The following TRIM28 variants were observed in gnomAD, a reference collection of about 807,000 sequenced individuals.
The protein encoded by TRIM28 is tripartite motif containing 28.
In TRIM28, 8 loss-of-function variants were observed where a neutral mutation model predicts 87.4. The ratio of observed to expected loss-of-function variants is 0.09; its 90% CI spans 0.05 to 0.17. The LOEUF (loss-of-function observed/expected upper bound fraction) is 0.17, where lower values mean the gene tolerates loss of function less well. Ranked by LOEUF, TRIM28 falls within the 10% of genes least tolerant of loss-of-function variation. TRIM28 has a pLI of 1.00. For synonymous variants in TRIM28, 601 were observed against 454.3 expected, an observed-to-expected ratio of 1.32 and a Z score of -4.11; for missense variants, 968 against 1,131.8, an observed-to-expected ratio of 0.86 and a Z score of 2.08.
At chr19:58,547,771 C>G in intron 5 of TRIM28, 21 bp from the exon 6 acceptor site, 2 of 1,613,972 alleles carry the variant, frequency 1.2e-6, no homozygotes, top group South Asian at 2.2e-5. Context: ...CCTACCTAGC[C>G]TGACCTGCTG....
Position 58,549,345 on chromosome 19 carries a change from G to A in TRIM28, c.1677G>A (p.Glu559=). The A allele has an allele frequency of 6.4e-7, 1 of 1,566,100 alleles. No individual in the cohort carries two copies. The highest frequency in any genetic ancestry group is 1.2e-5 in the South Asian group (1 of 83,972). ...CCACCTTGCAGGAGGAGGAGACGGA[G>A]GCTGCCATTGGAGCCCCTCCTACTG... ...GMAIVKEEET[E]AAIGAPPTAT... Residue 559 remains glutamate (E), a synonymous_variant, in exon 13 of 17, where the codon GAG becomes GAA. Transcript: ENST00000253024. This position sits in a 1 kb window ranked among gnomAD's most constrained non-coding sequence, Gnocchi z 4.4.
In TRIM28 at chr19:58,549,648, A is replaced by G. The variant is rs1461592105; in HGVS notation, c.1980A>G (p.Pro660=). Residue 660 remains proline, a splice_region_variant and synonymous_variant, in exon 13 of 17, where the codon CCA becomes CCG. Coordinates refer to ENST00000253024, the MANE Select transcript of TRIM28 (RefSeq NM_005762.3). This position sits in a 1 kb window ranked among gnomAD's most constrained non-coding sequence, Gnocchi z 4.4. ...ACCTGCCGGCCCTGCAGGATGTACC[A>G]GGGTGAGTGTGAGGCTGGTGGGGGT... ...DCHLPALQDV[P]GEEWSCSLCH... 2 of 1,609,690 alleles carry G rather than the reference A, an allele frequency of 1.2e-6. No homozygotes were observed. Among genetic ancestry groups the G allele is most frequent in the Middle Eastern group, 1.7e-4 (1 of 6,038 alleles).
rs750079195 is a variant in TRIM28 at position 58,548,383 on chromosome 19, C to G, written c.1191C>G (p.Ala397=). 6.2e-7 allele frequency: 1 copy of G among 1,614,168 alleles called. No homozygotes were observed. The highest frequency in any genetic ancestry group is 8.5e-7 in the Non-Finnish European group (1 of 1,180,024). ...GEMKFQWDLN[A]WTKSAEAFGK... is the part of the protein sequence containing the mutation. ...TGAAGTTTCAGTGGGACCTCAATGCCTGGACCAAGAGTGCCGAGGCCTTTG... is the reference window on the plus strand; with the variant it reads ...TGAAGTTTCAGTGGGACCTCAATGCGTGGACCAAGAGTGCCGAGGCCTTTG... Residue 397 remains alanine (A), a synonymous_variant, in exon 8 of 17, where the codon GCC becomes GCG. Coordinates refer to ENST00000253024, the MANE Select transcript of TRIM28 (RefSeq NM_005762.3).
chr19:58,550,404 G>A lies in TRIM28; in HGVS notation c.2359G>A (p.Gly787Ser). ...EDKADVQSII[G>S]LQRFFETRMN... is the part of the protein sequence containing the mutation. The stretch of plus-strand genomic sequence containing the variant: ...CAAGGCAGACGTGCAGTCCATCATC[G>A]GCCTGCAGCGCTTCTTCGAGACGCG... Residue 787 changes from glycine to serine, a missense_variant, in exon 17 of 17, where the codon GGC becomes AGC. Around this residue, in one of 11 missense-constraint regions of TRIM28, gnomAD observed 192 missense variants for 225.6 expected, o/e 0.85. Coordinates refer to ENST00000253024, the MANE Select transcript of TRIM28 (RefSeq NM_005762.3). The A allele has an allele frequency of 1.9e-6, 3 of 1,613,996 alleles. No individual in the cohort carries two copies. Among genetic ancestry groups the A allele is most frequent in the South Asian group, 1.1e-5 (1 of 91,090 alleles).
At chr19:58,548,009 T>TA (rs752412366) in intron 6 of TRIM28, 25 bp from the exon 7 acceptor site, 10 of 1,613,628 alleles carry the variant, frequency 6.2e-6, no homozygotes, top group Non-Finnish European at 8.5e-6. Context: ...CTTCTCTGCT[T>TA]ACCTCATACA....
In TRIM28 at chr19:58,549,797, C is replaced by T; in HGVS notation, c.2043C>T (p.Ser681=). Residue 681 remains serine (S), a synonymous_variant, in exon 14 of 17, where the codon AGC becomes AGT. Transcript: ENST00000253024. This position sits in a 1 kb window ranked among gnomAD's most constrained non-coding sequence, Gnocchi z 4.4. The part of the protein sequence containing the change: ...VLPDLKEEDG[S]LSLDGADSTG... Reference sequence around the variant, plus strand: ...CTGACCTGAAGGAGGAGGATGGCAGCCTCAGCCTGGATGGTGCAGACAGCA... The same window carrying T: ...CTGACCTGAAGGAGGAGGATGGCAGTCTCAGCCTGGATGGTGCAGACAGCA... 1 of 1,612,770 alleles carries T rather than the reference C, an allele frequency of 6.2e-7. No individual in the cohort carries two copies. Among genetic ancestry groups the T allele is most frequent in the Non-Finnish European group, 8.5e-7 (1 of 1,178,952 alleles).
Position 58,550,462 on chromosome 19 carries a change from C to T in TRIM28, c.2417C>T (p.Ser806Phe). The T allele has an allele frequency of 1.2e-6, 2 of 1,612,196 alleles. No individual in the cohort carries two copies. The highest frequency in any genetic ancestry group is 1.7e-6 in the Non-Finnish European group (2 of 1,179,996). Reference protein sequence around the residue: ...MNEAFGDTKFSAVLVEPPPMS... With the variant: ...MNEAFGDTKFFAVLVEPPPMS... ...GAGGCCTTCGGTGACACCAAGTTCT[C>T]TGCTGTGCTGGTGGAGCCCCCGCCG... Residue 806 changes from serine (S) to phenylalanine (F), a missense_variant, in exon 17 of 17, where the codon TCT becomes TTT. Physicochemically the swap from Ser to Phe is radical, Grantham distance 155. Transcript: ENST00000253024.
At chr19:58,546,468 C>T (rs770114099) in intron 3 of TRIM28, among the ~76,000 whole-genome samples, 2 of 152,188 alleles carry the variant, frequency 1.3e-5, no homozygotes, top group Non-Finnish European at 2.9e-5. Context: ...GGCCAGAATC[C>T]TCCCATGAGT....
chr19:58,550,096 G>A lies in TRIM28; in HGVS notation c.2194-51G>A, dbSNP rs769806224. 5 of 1,613,500 alleles carry A rather than the reference G, an allele frequency of 3.1e-6. No individual in the cohort carries two copies. The Admixed American group carries it at 6.7e-5, about 22-fold the overall frequency. On this transcript the variant is annotated intron_variant, in intron 15 of 16. Coordinates refer to ENST00000253024, the MANE Select transcript of TRIM28 (RefSeq NM_005762.3). ...GGCTGCTGGGTCTCGCCCTCAACCTGTGCATGTATATGTGTGTCTTTGTGT... is the reference window on the plus strand; with the variant it reads ...GGCTGCTGGGTCTCGCCCTCAACCTATGCATGTATATGTGTGTCTTTGTGT...
chr19:58,545,251 G>T, intron 1 of TRIM28, 154 bp downstream of exon 1: 1 of 913,520 alleles, frequency 1.1e-6, no homozygotes. Context: ...ACGTGGGTTT[G>T]TGCTGGCCGC....
chr19:58,548,704 G>T (rs374518547), intron 9 of TRIM28, 36 bp from the exon 10 acceptor site: 15 of 1,612,508 alleles, frequency 9.3e-6, no homozygotes, highest in Middle Eastern at 2.0e-4. Context: ...TAGGGTTCCT[G>T]TCCCACTGAG....
rs73580857 is a variant in TRIM28 at position 58,545,635 on chromosome 19, C to T, written c.453+98C>T. ...GCTCCAGGCTGTTACTCCACTTTCC[C>T]AAGGCTCTGGGTGGGCTGCCTAGGT... On this transcript the variant is annotated intron_variant, in intron 2 of 16. Coordinates refer to ENST00000253024, the MANE Select transcript of TRIM28 (RefSeq NM_005762.3). 21,800 of 1,502,032 alleles carry T rather than the reference C, an allele frequency of 0.015. 2,219 individuals are homozygous for T. In the African/African-American group the frequency reaches 0.24, roughly 17 times the overall value. 93.0% of individuals were successfully genotyped at this position (1,502,032 alleles called of 1,614,324 possible).
chr19:58,544,678 G>C lies in TRIM28; in HGVS notation c.-80G>C, dbSNP rs952220775. 3 of 607,812 alleles carry C rather than the reference G, an allele frequency of 4.9e-6. No homozygotes were observed. The highest frequency in any genetic ancestry group is 4.1e-5 in the African/African-American group (2 of 49,232). The allele number at this position is 607,812 out of a possible 1,614,324, so 37.7% of individuals were successfully genotyped here. ...CGGCGGCGGCGGCAGCGGCCCAGCA[G>C]TTGGCGGCGAGCGCGTCTGCGCCTG... On this transcript the variant is annotated 5_prime_UTR_variant, in exon 1 of 17. Transcript: ENST00000253024.
At position 58,548,555 on chromosome 19, in the gene TRIM28, C is replaced by T. The variant is rs749274668; in HGVS notation, c.1286C>T (p.Pro429Leu). ...GCACCCATGGCCCCTCCAAGAGCCC[C>T]AGGGCCCCTGAGCAAGCAGGGCTCT... ...GPAPMAPPRA[P>L]GPLSKQGSGS... Residue 429 changes from proline (P) to leucine (L), a missense_variant, in exon 9 of 17, where the codon CCA (proline) becomes CTA (leucine). Pro to Leu is a moderately conservative substitution (Grantham distance 98). This residue lies in a region of TRIM28 where 119 missense variants were observed against 93.6 expected (regional missense o/e 1.27). Coordinates refer to ENST00000253024, the MANE Select transcript of TRIM28 (RefSeq NM_005762.3). 1.9e-6 allele frequency: 3 copies of T among 1,613,792 alleles called. No homozygotes were observed. The highest frequency in any genetic ancestry group is 2.2e-5 in the South Asian group (2 of 91,068).
intron 1 of TRIM28, 62 bp from the exon 2 acceptor site, chr19:58,545,363 T>C (rs952591662): frequency 1.5e-6 from 2 of 1,334,848 alleles, no homozygotes; most frequent in South Asian, 1.2e-5. Flanking sequence ...AGCAGGGGAA[T>C]GGTGGGGGCC....
chr19:58,545,459 C>T lies in TRIM28; in HGVS notation c.375C>T (p.Phe125=), dbSNP rs200165199. The T allele has an allele frequency of 8.6e-5, 138 of 1,612,886 alleles. No individual in the cohort carries two copies. Among genetic ancestry groups the T allele is most frequent in the Non-Finnish European group, 1.1e-4 (132 of 1,179,826 alleles). ...GTCCCGTGTGCAAGCAACAGTGCTTCTCCAAAGACATCGTGGAGAATTATT... is the reference window on the plus strand; with the variant it reads ...GTCCCGTGTGCAAGCAACAGTGCTTTTCCAAAGACATCGTGGAGAATTATT... The part of the protein sequence containing the change: ...VDCPVCKQQC[F]SKDIVENYFM... The change falls in exon 2 of 17, where the codon TTC becomes TTT. Residue 125 remains phenylalanine, a synonymous_variant. Coordinates refer to ENST00000253024, the MANE Select transcript of TRIM28 (RefSeq NM_005762.3).
chr19:58,548,696 G>A, intron 9 of TRIM28, 44 bp from the exon 10 acceptor site: 1 of 1,611,936 alleles, frequency 6.2e-7, no homozygotes, highest in Non-Finnish European at 8.5e-7. Context: ...GGGTCCAGTA[G>A]GGTTCCTGTC....
intron 11 of TRIM28, 23 bp from the exon 12 acceptor site, chr19:58,548,965 A>AT: frequency 3.7e-6 from 6 of 1,614,068 alleles, no homozygotes; most frequent in Non-Finnish European, 5.1e-6. Context: ...GGGTGTACTC[A>AT]TGCCAGGTTG....
chr19:58,547,689 A>G lies in TRIM28; in HGVS notation c.815A>G (p.Lys272Arg). 6.2e-7 allele frequency: 1 copy of G among 1,614,174 alleles called. No individual in the cohort carries two copies. Among genetic ancestry groups the G allele is most frequent in the East Asian group, 2.2e-5 (1 of 44,884 alleles). The part of the protein sequence containing the change: ...RLGDKHATLQ[K>R]STKEVRSSIR... ...GGGGACAAACATGCAACATTGCAGA[A>G]GAGCACCAAGGAGGTTCGCAGCTCG... The change falls in exon 5 of 17, where the codon AAG (lysine) becomes AGG (arginine). Residue 272 changes from lysine (K) to arginine (R), a missense_variant. Lys to Arg is a conservative substitution (Grantham distance 26). Coordinates refer to ENST00000253024, the MANE Select transcript of TRIM28 (RefSeq NM_005762.3).
Sources: gnomAD v4.1 joint callset for allele counts (sites outside exome capture counted in the v4.1 genomes callset) on GRCh38, gnomAD v4.1.1 for gene constraint, gnomAD v4.1.1 regional missense constraint, Gnocchi (gnomAD v3.1) non-coding constraint, MANE v1.5 for transcripts, NCBI Gene and HGNC (gene_info 2026-07-23, HGNC 2026-07-21) for gene names.